DACH1: variants seen among roughly 807,000 people sequenced by gnomAD.
The protein encoded by DACH1 is dachshund family transcription factor 1, also known as dachshund homolog 1.
In DACH1, 12 loss-of-function variants were observed where a neutral mutation model predicts 54.2. The ratio of observed to expected loss-of-function variants is 0.22; its 90% CI spans 0.14 to 0.36. DACH1 has a LOEUF of 0.36. Ranked by LOEUF, DACH1 falls within the 10% of genes least tolerant of loss-of-function variation. The pLI is 1.00. For synonymous variants in DACH1, 386 were observed against 366.2 expected, an observed-to-expected ratio of 1.05 and a Z score of -0.62; for missense variants, 805 against 929.8, an observed-to-expected ratio of 0.87 and a Z score of 1.75.
intron 10 of DACH1, chr13:71,464,594 C>T (rs905691652): frequency 2.3e-6 from 1 of 442,212 alleles, no homozygotes; most frequent in Non-Finnish European, 4.5e-6. Flanking sequence ...TTAATACATG[C>T]AAATTATGCA....
At chr13:71,443,847 G>A (rs1424258616) in intron 10 of DACH1, among the ~76,000 whole-genome samples, 1 of 152,048 alleles carries the variant, frequency 6.6e-6, no homozygotes, top group Admixed American at 6.5e-5. Context: ...TCAAATACTA[G>A]TATCAAGGCC....
chr13:71,724,281 C>G (rs1316919881), intron 1 of DACH1, among the ~76,000 whole-genome samples: 1 of 152,038 alleles, frequency 6.6e-6, no homozygotes, highest in Non-Finnish European at 1.5e-5. Context: ...ATTTGAAAAC[C>G]TTCATCAAAA....
chr13:71,467,418 G>A (rs1462031469), intron 10 of DACH1, among the ~76,000 whole-genome samples: 1 of 150,332 alleles, frequency 6.7e-6, no homozygotes, highest in Non-Finnish European at 1.5e-5. Context: ...GTTAATGGGT[G>A]CAGCACACCA....
At chr13:71,555,258 A>G (rs962689202) in intron 6 of DACH1, among the ~76,000 whole-genome samples, 8 of 152,104 alleles carry the variant, frequency 5.3e-5, no homozygotes, top group African/African-American at 1.9e-4. Context: ...ACACCCATAC[A>G]TTTAATTATT....
chr13:71,849,899 T>C (rs1199925329), intron 1 of DACH1, among the ~76,000 whole-genome samples: 1 of 152,230 alleles, frequency 6.6e-6, no homozygotes, highest in African/African-American at 2.4e-5. Flanking sequence ...TTTGTAATTA[T>C]GGTGCCTAAC....
intron 6 of DACH1, among the ~76,000 whole-genome samples, chr13:71,541,816 G>T (rs1261496504): frequency 3.3e-5 from 5 of 151,652 alleles, no homozygotes; most frequent in Non-Finnish European, 5.9e-5. Flanking sequence ...TTCTAAAAAT[G>T]AGTTGCAGTA....
At chr13:71,459,280 C>T (rs1490102916) in intron 10 of DACH1, among the ~76,000 whole-genome samples, 1 of 151,738 alleles carries the variant, frequency 6.6e-6, no homozygotes, top group African/African-American at 2.4e-5. Flanking sequence ...TTAAACTGTT[C>T]ATAAGATAAT....
At chr13:71,758,520 G>A (rs1205982637) in intron 1 of DACH1, among the ~76,000 whole-genome samples, 2 of 152,198 alleles carry the variant, frequency 1.3e-5, no homozygotes, top group Non-Finnish European at 2.9e-5. Context: ...CAGTGCGACA[G>A]CTAGCAAGGC....
chr13:71,787,794 T>C (rs1886666438), intron 1 of DACH1, among the ~76,000 whole-genome samples: 1 of 152,152 alleles, frequency 6.6e-6, no homozygotes, highest in Non-Finnish European at 1.5e-5. Flanking sequence ...CTCATTGACT[T>C]TGGTGCAACT....
At chr13:71,632,223 GA>G (rs1877156905) in intron 2 of DACH1, among the ~76,000 whole-genome samples, 1 of 152,134 alleles carries the variant, frequency 6.6e-6, no homozygotes, top group Admixed American at 6.6e-5. Context: ...TATTTATATA[GA>G]GAGATAATAA....
chr13:71,561,437 A>C (rs1220976652), intron 4 of DACH1, among the ~76,000 whole-genome samples: 1 of 152,132 alleles, frequency 6.6e-6, no homozygotes, highest in Non-Finnish European at 1.5e-5. Flanking sequence ...TGAAGATAGG[A>C]GGGAAGAATG....
At chr13:71,702,745 G>A (rs1882210707) in intron 1 of DACH1, among the ~76,000 whole-genome samples, 1 of 151,868 alleles carries the variant, frequency 6.6e-6, no homozygotes, top group Non-Finnish European at 1.5e-5. Flanking sequence ...TTATTTTAAA[G>A]GATTAAACCA....
intron 10 of DACH1, among the ~76,000 whole-genome samples, chr13:71,451,349 A>T (rs886316138): frequency 5.3e-5 from 8 of 152,188 alleles, no homozygotes; most frequent in African/African-American, 1.9e-4. Flanking sequence ...GACTGGCTAT[A>T]AATCTCCTTA....
At chr13:71,588,970 A>G (rs983363194) in intron 3 of DACH1, among the ~76,000 whole-genome samples, 2 of 152,062 alleles carry the variant, frequency 1.3e-5, no homozygotes, top group Admixed American at 6.6e-5. Context: ...TAATCAAGAC[A>G]TAAAAGACAT....
intron 3 of DACH1, among the ~76,000 whole-genome samples, chr13:71,595,570 G>T (rs1241042712): frequency 6.6e-6 from 1 of 152,082 alleles, no homozygotes; most frequent in East Asian, 1.9e-4. Context: ...ATGGTTCCAA[G>T]GTTTTAGGCA....
intron 1 of DACH1, among the ~76,000 whole-genome samples, chr13:71,734,977 C>G (rs199742360): frequency 2.3e-5 from 2 of 85,338 alleles, no homozygotes; most frequent in East Asian, 4.3e-4. Flanking sequence ...TATACACACA[C>G]AGGATATATA....
intron 2 of DACH1, among the ~76,000 whole-genome samples, chr13:71,651,668 C>A (rs201065068): frequency 7.9e-6 from 1 of 126,090 alleles, no homozygotes; most frequent in African/African-American, 3.1e-5. Flanking sequence ...GTATCTGTAT[C>A]TGTATCTGTA....
intron 2 of DACH1, among the ~76,000 whole-genome samples, chr13:71,658,707 A>G (rs899875229): frequency 2.6e-5 from 4 of 152,192 alleles, no homozygotes; most frequent in South Asian, 4.1e-4. Context: ...TAAAACCTAC[A>G]ACATTGTATT....
intron 1 of DACH1, among the ~76,000 whole-genome samples, chr13:71,791,898 T>C (rs1886847218): frequency 6.6e-6 from 1 of 152,144 alleles, no homozygotes; most frequent in African/African-American, 2.4e-5. Flanking sequence ...TAGGTTGGTA[T>C]TATTAAAGTC....
Sources: gnomAD v4.1 joint callset for allele counts (sites outside exome capture counted in the v4.1 genomes callset) on GRCh38, gnomAD v4.1.1 for gene constraint, MANE v1.5 for transcripts, NCBI Gene and HGNC (gene_info 2026-07-23, HGNC 2026-07-21) for gene names.